Variants in HTT observed in about 807,000 individuals in gnomAD.
HTT encodes huntingtin.
A neutral mutation model predicts 362.3 loss-of-function variants in HTT; 104 were observed. That is an observed-to-expected ratio of 0.29 (90% confidence interval 0.24 to 0.34). The LOEUF (loss-of-function observed/expected upper bound fraction) is 0.34, where lower values mean the gene tolerates loss of function less well. Among genes scored for constraint, HTT ranks in the 10% least tolerant of loss-of-function variants. HTT has a pLI of 1.00. For missense variants in HTT, 3,301 were observed against 3,928.6 expected (o/e 0.84, Z 4.27); for synonymous variants, 1,577 against 1,548.7 (o/e 1.02, Z -0.43).
chr4:3,239,214 A>T (rs1033964591), intron 66 of HTT, among the ~76,000 whole-genome samples: 1 of 152,022 alleles, frequency 6.6e-6, no homozygotes, highest in Non-Finnish European at 1.5e-5. Flanking sequence ...GTCGCAGCTG[A>T]GGGGCCTTTC....
chr4:3,131,124 A>G (rs363069), intron 14 of HTT, among the ~76,000 whole-genome samples, 162 bp from the exon 15 acceptor site: 13,391 of 151,590 alleles, frequency 0.088, 946 homozygotes, highest in African/African-American at 0.19. Context: ...CTGCTTGGCC[A>G]TGGTCTCTGT....
intron 1 of HTT, among the ~76,000 whole-genome samples, chr4:3,085,021 A>T (rs1480932698): frequency 1.3e-5 from 2 of 151,968 alleles, no homozygotes; most frequent in East Asian, 1.9e-4. Flanking sequence ...CTCGGGGGAA[A>T]AAAAAAAATA....
chr4:3,137,675 G>A (rs1198478102), intron 21 of HTT, among the ~76,000 whole-genome samples: 1 of 152,192 alleles, frequency 6.6e-6, no homozygotes, highest in Admixed American at 6.5e-5. Flanking sequence ...TTCCAACCTG[G>A]GCAACAGAGA....
Position 3,224,032 on chromosome 4 carries a change from C to G in HTT, c.7666C>G (p.Gln2556Glu). Residue 2556 changes from glutamine to glutamate, a missense_variant, in exon 56 of 67, where the codon CAA becomes GAA. Transcript: ENST00000355072. The part of the protein sequence containing the change: ...KLSIIRGIVE[Q>E]EIQAMVSKRE... The stretch of plus-strand genomic sequence containing the variant: ...GAGCATTATCAGAGGGATTGTGGAG[C>G]AAGAGATTCAAGCAATGGTTTCAAA... 6.2e-7 allele frequency: 1 copy of G among 1,613,862 alleles called. No individual in the cohort carries two copies. Among genetic ancestry groups the G allele is most frequent in the East Asian group, 2.2e-5 (1 of 44,882 alleles).
intron 2 of HTT, among the ~76,000 whole-genome samples, chr4:3,088,593 A>G (rs1713337547): frequency 6.6e-6 from 1 of 152,202 alleles, no homozygotes; most frequent in Non-Finnish European, 1.5e-5. Context: ...CATCTACTTC[A>G]TAAGTTTTTC....
At position 3,242,607 on chromosome 4, in the gene HTT, T is replaced by A. The variant is rs1193869118; in HGVS notation, c.*2548T>A. 6.6e-6 allele frequency: 1 copy of A among 152,174 alleles called. No homozygotes were observed. Among genetic ancestry groups the A allele is most frequent in the Non-Finnish European group, 1.5e-5 (1 of 68,034 alleles). 9.4% of individuals were successfully genotyped at this position (152,174 alleles called of 1,614,324 possible). A position where few individuals can be genotyped will look rare whatever the true frequency, so the allele number is the denominator to read the frequency against. On this transcript the variant is annotated 3_prime_UTR_variant, in exon 67 of 67. Transcript: ENST00000355072. ...CCCACTAGGATCCCACTGGCGAAGA[T>A]GGTCTCCATATCAGCTCTCTGCAGA...
chr4:3,130,345 C>T lies in HTT; in HGVS notation c.1908C>T (p.Cys636=), dbSNP rs879637681. 1.9e-6 allele frequency: 3 copies of T among 1,606,872 alleles called. No homozygotes were observed. Among genetic ancestry groups the T allele is most frequent in the Non-Finnish European group, 2.6e-6 (3 of 1,175,554 alleles). ...QAHLLKNMSH[C]RQPSDSSVDK... ...ATTTATTGAAAAACATGAGTCACTGCAGGCAGCCTTCTGACAGCAGTGTTG... is the reference window on the plus strand; with the variant it reads ...ATTTATTGAAAAACATGAGTCACTGTAGGCAGCCTTCTGACAGCAGTGTTG... The change falls in exon 14 of 67, where the codon TGC becomes TGT. Residue 636 remains cysteine (C), a synonymous_variant. Transcript: ENST00000355072.
intron 4 of HTT, among the ~76,000 whole-genome samples, 188 bp downstream of exon 4, chr4:3,104,071 G>T (rs1419947425): frequency 1.3e-5 from 2 of 152,034 alleles, no homozygotes; most frequent in African/African-American, 4.8e-5. Flanking sequence ...TATCCTTTGT[G>T]TTACAAACAA....
At chr4:3,198,772 G>A (rs1719386239) in intron 40 of HTT, among the ~76,000 whole-genome samples, 1 of 152,256 alleles carries the variant, frequency 6.6e-6, no homozygotes, top group African/African-American at 2.4e-5. Flanking sequence ...TTTGCCGGTA[G>A]AATCTAGCTG....
At chr4:3,126,147 G>T (rs1316691258) in intron 11 of HTT, among the ~76,000 whole-genome samples, 1 of 152,146 alleles carries the variant, frequency 6.6e-6, no homozygotes, top group Non-Finnish European at 1.5e-5. Context: ...CCGCCTTCTG[G>T]GTTCCAGCGA....
At chr4:3,237,568 G>A (rs542488421) in intron 64 of HTT, among the ~76,000 whole-genome samples, 7 of 152,106 alleles carry the variant, frequency 4.6e-5, no homozygotes, top group African/African-American at 1.4e-4. Context: ...CCGCTTGACC[G>A]CTCTCCAGAC....
chr4:3,165,644 G>A (rs1041773965), intron 29 of HTT, among the ~76,000 whole-genome samples: 5 of 151,504 alleles, frequency 3.3e-5, no homozygotes, highest in African/African-American at 4.9e-5. Flanking sequence ...TTGTCTTCTC[G>A]CTTTATTTCA....
chr4:3,229,069 C>G, intron 59 of HTT, 60 bp downstream of exon 59: 1 of 1,493,894 alleles, frequency 6.7e-7, no homozygotes. Flanking sequence ...ACACACGCCA[C>G]ACACCCCACA....
chr4:3,093,818 C>CA (rs1324862332), intron 2 of HTT, among the ~76,000 whole-genome samples: 1 of 137,412 alleles, frequency 7.3e-6, no homozygotes. Flanking sequence ...GAGCAGTTCT[C>CA]ATTTAGAGCC....
intron 49 of HTT, chr4:3,212,913 G>T (rs1720232119): frequency 3.5e-6 from 2 of 576,300 alleles, no homozygotes. Flanking sequence ...ATGGTGGCCT[G>T]TGAGGTCAGC....
intron 33 of HTT, among the ~76,000 whole-genome samples, chr4:3,176,923 T>C (rs1251543514): frequency 6.6e-6 from 1 of 152,206 alleles, no homozygotes; most frequent in African/African-American, 2.4e-5. Flanking sequence ...CTGGCTCCCA[T>C]GCAGCCCTTA....
chr4:3,229,365 AAC>A (rs1166711648), intron 59 of HTT, among the ~76,000 whole-genome samples: 3 of 134,102 alleles, frequency 2.2e-5, no homozygotes, highest in African/African-American at 8.7e-5. Context: ...ACATGCACAC[AAC>A]ACACACATGC....
intron 46 of HTT, 109 bp from the exon 47 acceptor site, chr4:3,209,717 CA>C (rs1412268958): frequency 3.7e-6 from 5 of 1,355,906 alleles, no homozygotes; most frequent in Non-Finnish European, 5.1e-6. Flanking sequence ...GCAGCCCTCT[CA>C]GCCTAGTGCG....
chr4:3,080,516 T>C (rs1712836713), intron 1 of HTT, among the ~76,000 whole-genome samples: 1 of 152,240 alleles, frequency 6.6e-6, no homozygotes, highest in South Asian at 2.1e-4. Flanking sequence ...TCTTATCAGA[T>C]AGATGATTTG....
Sources: gnomAD v4.1 joint callset for allele counts (sites outside exome capture counted in the v4.1 genomes callset) on GRCh38, gnomAD v4.1.1 for gene constraint, MANE v1.5 for transcripts, NCBI Gene and HGNC (gene_info 2026-07-23, HGNC 2026-07-21) for gene names.